The following BRIP1 variants were observed in gnomAD, a reference collection of about 807,000 sequenced individuals.
BRIP1 encodes Fanconi anemia group J protein.
Under a neutral mutation model 119.7 loss-of-function variants are expected in BRIP1, and 88 were observed. That is an observed-to-expected ratio of 0.74 (90% CI 0.62 to 0.88). BRIP1 has a LOEUF of 0.88. BRIP1 is among the 40% of genes least tolerant of loss of function. BRIP1 has a pLI of 0.00. For missense variants in BRIP1, 1,259 were observed against 1,455.4 expected, an observed-to-expected ratio of 0.87 and a Z score of 2.20; for synonymous variants, 443 against 496.5, an observed-to-expected ratio of 0.89 and a Z score of 1.43.
chr17:61,765,379 T>TTATATATATATA (rs1287538931), intron 14 of BRIP1, among the ~76,000 whole-genome samples: 2 of 37,748 alleles, frequency 5.3e-5, no homozygotes, highest in African/African-American at 1.1e-4. Flanking sequence ...TGTGTATATA[T>TTATATATATATA]TATATATATA....
chr17:61,698,448 C>A (rs544469041), intron 17 of BRIP1, among the ~76,000 whole-genome samples: 3 of 152,070 alleles, frequency 2.0e-5, no homozygotes, highest in Non-Finnish European at 4.4e-5. Flanking sequence ...GAGCAGAATG[C>A]GTATTTTCCT....
At chr17:61,797,768 G>A (rs546082568) in intron 9 of BRIP1, among the ~76,000 whole-genome samples, 1 of 151,998 alleles carries the variant, frequency 6.6e-6, no homozygotes, top group Admixed American at 6.6e-5. Context: ...ACAAAAAAAG[G>A]ACAGAGATGT....
At position 61,717,488 on chromosome 17, in the gene BRIP1, T is replaced by C. The variant is rs1485605776; in HGVS notation, c.2380-1425A>G. Among the ~76,000 whole-genome samples, 3 of 152,172 alleles carry C rather than the reference T, an allele frequency of 2.0e-5. No homozygotes were observed. Among genetic ancestry groups the C allele is most frequent in the Non-Finnish European group, 4.4e-5 (3 of 67,998 alleles). ...CTTCACTATCTTCATTTTTAAGAGA[T>C]TGTCCCACTTGATCAAGAATTCTAA... is the stretch of plus-strand genomic sequence containing the variant. On this transcript the variant is annotated intron_variant, in intron 16 of 19. Coordinates refer to ENST00000259008, the MANE Select transcript of BRIP1 (RefSeq NM_032043.3). The surrounding 1 kb of genome is among the most constrained non-coding windows in gnomAD (Gnocchi z 4.1).
rs1216733977 is a variant in BRIP1 at position 61,853,234 on chromosome 17, T to C, written c.379+3824A>G. ...ACACAAGATTACATATATAATTCCATTTTTTTTTTTTGAGATGGAGTTTCA... is the reference window on the plus strand; with the variant it reads ...ACACAAGATTACATATATAATTCCACTTTTTTTTTTTGAGATGGAGTTTCA... On this transcript the variant is annotated intron_variant, in intron 4 of 19. Transcript: ENST00000259008. This position sits in a 1 kb window ranked among gnomAD's most constrained non-coding sequence, Gnocchi z 4.3. Among the ~76,000 whole-genome samples the C allele has an allele frequency of 9.7e-6, 1 of 103,412 alleles. No individual in the cohort carries two copies. Among genetic ancestry groups the C allele is most frequent in the South Asian group, 3.1e-4 (1 of 3,184 alleles). 67.8% of individuals were successfully genotyped at this position (103,412 alleles called of 152,430 possible).
intron 6 of BRIP1, among the ~76,000 whole-genome samples, chr17:61,826,259 AG>A (rs1357670972): frequency 2.6e-5 from 4 of 152,224 alleles, no homozygotes; most frequent in Admixed American, 6.5e-5. Flanking sequence ...GATAGATTAA[AG>A]ACTTAAATGT....
rs924501015 is a variant in BRIP1, at chr17:61,742,744, T to A, written c.2379+269A>T. Among the ~76,000 whole-genome samples the A allele has an allele frequency of 6.6e-6, 1 of 152,158 alleles. No homozygotes were observed. The highest frequency in any genetic ancestry group is 1.5e-5 in the Non-Finnish European group (1 of 68,030). ...TTACAATAGTAACATCAAAGATCAC[T>A]TATCACAGATTACCCTAACAGTATA... On this transcript the variant is annotated intron_variant, in intron 16 of 19. Coordinates refer to ENST00000259008, the MANE Select transcript of BRIP1 (RefSeq NM_032043.3). This position sits in a 1 kb window ranked among gnomAD's most constrained non-coding sequence, Gnocchi z 4.7.
rs371988171 is a variant in BRIP1 at position 61,710,956 on chromosome 17, G to A, written c.2492+4995C>T. Among the ~76,000 whole-genome samples the A allele has an allele frequency of 1.3e-5, 2 of 149,460 alleles. No homozygotes were observed. Among genetic ancestry groups the A allele is most frequent in the Admixed American group, 1.4e-4 (2 of 14,682 alleles). On this transcript the variant is annotated intron_variant, in intron 17 of 19. Coordinates refer to ENST00000259008, the MANE Select transcript of BRIP1 (RefSeq NM_032043.3). This position sits in a 1 kb window ranked among gnomAD's most constrained non-coding sequence, Gnocchi z 5.4. ...CTCAAGAGGTTGAGGCAGGAGAATCGCTTGAACTTGGGTGGAGGAAGATGC... is the reference window on the plus strand; with the variant it reads ...CTCAAGAGGTTGAGGCAGGAGAATCACTTGAACTTGGGTGGAGGAAGATGC...
At chr17:61,786,376 T>A (rs1469345952) in intron 10 of BRIP1, among the ~76,000 whole-genome samples, 1 of 151,946 alleles carries the variant, frequency 6.6e-6, no homozygotes, top group African/African-American at 2.4e-5. Context: ...AAGAAACCAC[T>A]ACAAGAGATA....
Position 61,823,231 on chromosome 17 carries a change from T to C in BRIP1, c.628-14474A>G, listed in dbSNP as rs1274742197. On this transcript the variant is annotated intron_variant, in intron 6 of 19. Coordinates refer to ENST00000259008, the MANE Select transcript of BRIP1 (RefSeq NM_032043.3). The surrounding 1 kb of genome is among the most constrained non-coding windows in gnomAD (Gnocchi z 4.8). ...GTTTAAGTTTTCCAAAAGGCCAACA[T>C]TTAAAGAAACAATAAATGTCCTTAA... is the stretch of plus-strand genomic sequence containing the variant. Among the ~76,000 whole-genome samples, 1 of 152,234 alleles carries C rather than the reference T, an allele frequency of 6.6e-6. No individual in the cohort carries two copies. Among genetic ancestry groups the C allele is most frequent in the African/African-American group, 2.4e-5 (1 of 41,460 alleles).
rs913606560 is a variant in BRIP1 at position 61,704,919 on chromosome 17, A to G, written c.2492+11032T>C. 2.6e-5 allele frequency among the ~76,000 whole-genome samples: 4 copies of G among 151,436 alleles called. No homozygotes were observed. The highest frequency in any genetic ancestry group is 2.0e-4 in the Admixed American group (3 of 15,176). On this transcript the variant is annotated intron_variant, in intron 17 of 19. Coordinates refer to ENST00000259008, the MANE Select transcript of BRIP1 (RefSeq NM_032043.3). This position sits in a 1 kb window ranked among gnomAD's most constrained non-coding sequence, Gnocchi z 5.7. ...TTTTATTGATCTTTTCAAAGAGTCT[A>G]TTTTTTTCTGTTTTTCAACTTTTAT...
At position 61,805,972 on chromosome 17, in the gene BRIP1, C is replaced by G. The variant is rs1341375707; in HGVS notation, c.918+2495G>C. 4.6e-5 allele frequency among the ~76,000 whole-genome samples: 7 copies of G among 152,066 alleles called. No homozygotes were observed. Among genetic ancestry groups the G allele is most frequent in the African/African-American group, 1.7e-4 (7 of 41,404 alleles). On this transcript the variant is annotated intron_variant, in intron 7 of 19. Transcript: ENST00000259008. The surrounding 1 kb of genome is among the most constrained non-coding windows in gnomAD (Gnocchi z 5.6). ...TAAAATTATTTTTTCTTAACTGAAA[C>G]AAAAATTAACTTTTAACAGATAAGT... is the stretch of plus-strand genomic sequence containing the variant.
rs1353449645 is a variant in BRIP1, at chr17:61,828,119, C to CAAAAAG, written c.627+18981_627+18982insCTTTTT. ...ATACGTACACCAATGTTCACAGCAG[C>CAAAAAG]ATTATTCAAAATAGCAAAAAGATGG... On this transcript the variant is annotated intron_variant, in intron 6 of 19. Transcript: ENST00000259008. This position sits in a 1 kb window ranked among gnomAD's most constrained non-coding sequence, Gnocchi z 4.1. Among the ~76,000 whole-genome samples the CAAAAAG allele has an allele frequency of 1.3e-5, 2 of 152,152 alleles. No homozygotes were observed. Among genetic ancestry groups the CAAAAAG allele is most frequent in the Non-Finnish European group, 2.9e-5 (2 of 68,018 alleles).
At position 61,691,067 on chromosome 17, in the gene BRIP1, C is replaced by T. The variant is rs2061439995; in HGVS notation, c.2575+2363G>A. 6.9e-6 allele frequency among the ~76,000 whole-genome samples: 1 copy of T among 144,400 alleles called. No individual in the cohort carries two copies. Among genetic ancestry groups the T allele is most frequent in the African/African-American group, 2.6e-5 (1 of 38,276 alleles). 94.7% of individuals were successfully genotyped at this position (144,400 alleles called of 152,430 possible). ...CTTGGACACAGGAAGGGGGACATCA[C>T]ACACCGGGGCCTGTTGTGGGGTGGG... On this transcript the variant is annotated intron_variant, in intron 18 of 19. Coordinates refer to ENST00000259008, the MANE Select transcript of BRIP1 (RefSeq NM_032043.3). The surrounding 1 kb of genome is among the most constrained non-coding windows in gnomAD (Gnocchi z 5.0).
intron 11 of BRIP1, chr17:61,783,805 G>C (rs2077660066): frequency 6.6e-6 from 1 of 152,012 alleles, no homozygotes; most frequent in Non-Finnish European, 1.5e-5. Context: ...GGCCAGGCAT[G>C]GGCTCACACT....
intron 17 of BRIP1, among the ~76,000 whole-genome samples, chr17:61,715,240 C>G (rs115505704): frequency 0.026 from 3,953 of 151,286 alleles, 161 homozygotes; most frequent in African/African-American, 0.09. Context: ...TTTATTTTTT[C>G]TTTAATTATT....
At chr17:61,764,457 T>A (rs2077322114) in intron 14 of BRIP1, among the ~76,000 whole-genome samples, 1 of 152,198 alleles carries the variant, frequency 6.6e-6, no homozygotes, top group South Asian at 2.1e-4. Flanking sequence ...TCCCATGACC[T>A]CTGGGATAAG....
rs966734370 is a variant in BRIP1 at position 61,774,116 on chromosome 17, A to C, written c.2097+2285T>G. ...TACCCAAAGGATTATAAATCATGCT[A>C]CTATAAAGACACATGCATACGTATA... On this transcript the variant is annotated intron_variant, in intron 14 of 19. Coordinates refer to ENST00000259008, the MANE Select transcript of BRIP1 (RefSeq NM_032043.3). This position sits in a 1 kb window ranked among gnomAD's most constrained non-coding sequence, Gnocchi z 5.8. 1.3e-5 allele frequency among the ~76,000 whole-genome samples: 2 copies of C among 152,184 alleles called. No homozygotes were observed. The highest frequency in any genetic ancestry group is 3.2e-3 in the Middle Eastern group (1 of 316).
intron 16 of BRIP1, among the ~76,000 whole-genome samples, chr17:61,723,338 CA>C (rs1171204606): frequency 1.3e-5 from 2 of 152,150 alleles, no homozygotes; most frequent in African/African-American, 2.4e-5. Flanking sequence ...TCCTTATAAA[CA>C]CATTCTTATC....
chr17:61,755,386 C>T lies in BRIP1; in HGVS notation c.2098-10795G>A, dbSNP rs2077187242. Among the ~76,000 whole-genome samples the T allele has an allele frequency of 6.6e-6, 1 of 151,874 alleles. No homozygotes were observed. Among genetic ancestry groups the T allele is most frequent in the Non-Finnish European group, 1.5e-5 (1 of 67,962 alleles). ...ACCAGCCTGGGCAACTTGGCAAAAC[C>T]CTGTATCTACAAAAGTACAAAAATT... On this transcript the variant is annotated intron_variant, in intron 14 of 19. Coordinates refer to ENST00000259008, the MANE Select transcript of BRIP1 (RefSeq NM_032043.3). The surrounding 1 kb of genome is among the most constrained non-coding windows in gnomAD (Gnocchi z 4.5).
Sources: gnomAD v4.1 joint callset for allele counts (sites outside exome capture counted in the v4.1 genomes callset) on GRCh38, gnomAD v4.1.1 for gene constraint, Gnocchi (gnomAD v3.1) non-coding constraint, MANE v1.5 for transcripts, NCBI Gene and HGNC (gene_info 2026-07-23, HGNC 2026-07-21) for gene names.